The following PRMT8 variants were observed in gnomAD, a reference collection of about 807,000 sequenced individuals.
PRMT8 encodes protein arginine N-methyltransferase 8.
A neutral mutation model predicts 47.1 loss-of-function variants in PRMT8; 7 were observed. That is an observed-to-expected ratio of 0.15 (90% CI 0.08 to 0.28). The LOEUF (loss-of-function observed/expected upper bound fraction) is 0.28. PRMT8 is among the 10% of genes least tolerant of loss of function. PRMT8 has a pLI of 1.00. For missense variants in PRMT8, 237 were observed against 505.4 expected (o/e 0.47, Z 5.09); for synonymous variants, 188 against 186.5 (o/e 1.01, Z -0.07).
chr12:3,539,676 C>G (rs969119930), intron 1 of PRMT8, among the ~76,000 whole-genome samples: 3 of 152,150 alleles, frequency 2.0e-5, no homozygotes, highest in Admixed American at 1.3e-4. Flanking sequence ...CTGTGGACCC[C>G]CATCTCCTTC....
chr12:3,400,259 C>T (rs894657446), intron 1 of PRMT8, among the ~76,000 whole-genome samples: 2 of 151,958 alleles, frequency 1.3e-5, no homozygotes, highest in African/African-American at 4.8e-5. Flanking sequence ...ATAGGTAGAC[C>T]ACTAGTTAGA....
intron 1 of PRMT8, among the ~76,000 whole-genome samples, chr12:3,434,062 G>C (rs1864711425): frequency 6.6e-6 from 1 of 152,188 alleles, no homozygotes; most frequent in African/African-American, 2.4e-5. Flanking sequence ...AGCAGGAAGG[G>C]AGAATGAAAA....
intron 1 of PRMT8, among the ~76,000 whole-genome samples, chr12:3,477,969 A>T (rs1204159754): frequency 6.6e-6 from 1 of 152,150 alleles, no homozygotes; most frequent in African/African-American, 2.4e-5. Flanking sequence ...CAGTAGCTGG[A>T]TGTAACTGCT....
At chr12:3,404,572 T>C (rs193269503) in intron 1 of PRMT8, among the ~76,000 whole-genome samples, 1 of 152,354 alleles carries the variant, frequency 6.6e-6, no homozygotes, top group East Asian at 1.9e-4. Flanking sequence ...AAGTAGCCAC[T>C]GTCATGATTT....
In PRMT8 at chr12:3,566,914, CA is replaced by C. The variant is rs1286693245; in HGVS notation, c.482-1791del. Among the ~76,000 whole-genome samples the C allele has an allele frequency of 2.0e-5, 3 of 152,218 alleles. No homozygotes were observed. The highest frequency in any genetic ancestry group is 7.2e-5 in the African/African-American group (3 of 41,452). Reference sequence around the variant, plus strand: ...CCAATACATCAGCCTGCCAATTTAACAGTGGTATCTAAACTAGCTTGCTCAG... The same window carrying C: ...CCAATACATCAGCCTGCCAATTTAACGTGGTATCTAAACTAGCTTGCTCAG... On this transcript the variant is annotated intron_variant, in intron 4 of 9. Coordinates refer to ENST00000382622, the MANE Select transcript of PRMT8 (RefSeq NM_019854.5). The surrounding 1 kb of genome is among the most constrained non-coding windows in gnomAD (Gnocchi z 4.7).
In PRMT8 at chr12:3,552,779, G is replaced by T; in HGVS notation, c.418-872G>T. 4.2e-6 allele frequency: 2 copies of T among 473,282 alleles called. No individual in the cohort carries two copies. Among genetic ancestry groups the T allele is most frequent in the Non-Finnish European group, 8.5e-6 (2 of 235,976 alleles). 29.3% of individuals were successfully genotyped at this position (473,282 alleles called of 1,614,324 possible). A position where few individuals can be genotyped will look rare whatever the true frequency, so the allele number is the denominator to read the frequency against. Reference sequence around the variant, plus strand: ...GTGCCCCTTTGCGAGTACTTCTCAAGGGAATGGTCCCTGCCCGAGGCCTGG... The same window carrying T: ...GTGCCCCTTTGCGAGTACTTCTCAATGGAATGGTCCCTGCCCGAGGCCTGG... On this transcript the variant is annotated intron_variant, in intron 3 of 9. Transcript: ENST00000382622. This position sits in a 1 kb window ranked among gnomAD's most constrained non-coding sequence, Gnocchi z 4.5.
chr12:3,438,683 A>T (rs549764772), intron 1 of PRMT8, among the ~76,000 whole-genome samples: 3 of 152,212 alleles, frequency 2.0e-5, no homozygotes, highest in South Asian at 4.1e-4. Flanking sequence ...AGGTTTACTT[A>T]TCTATGCACT....
chr12:3,582,722 G>A, intron 7 of PRMT8, among the ~76,000 whole-genome samples: 1 of 152,154 alleles, frequency 6.6e-6, no homozygotes, highest in Admixed American at 6.5e-5. Flanking sequence ...TGCTCTGACA[G>A]GTGAAGGGAT....
At chr12:3,396,725 C>A (rs1339278185) in intron 1 of PRMT8, among the ~76,000 whole-genome samples, 5 of 151,452 alleles carry the variant, frequency 3.3e-5, no homozygotes, top group African/African-American at 9.7e-5. Flanking sequence ...ATCTTTGTGG[C>A]ATTCTCTGTA....
At chr12:3,579,727 G>T (rs535969597) in intron 7 of PRMT8, among the ~76,000 whole-genome samples, 1 of 152,152 alleles carries the variant, frequency 6.6e-6, no homozygotes, top group Non-Finnish European at 1.5e-5. Context: ...TATTTTCATC[G>T]CTATTAACAT....
intron 1 of PRMT8, among the ~76,000 whole-genome samples, chr12:3,523,843 C>A (rs1161360061): frequency 6.6e-6 from 1 of 152,230 alleles, no homozygotes; most frequent in Admixed American, 6.5e-5. Context: ...CCCTTGTTCT[C>A]CATAGGGAAT....
rs761628174 is a variant in PRMT8, at chr12:3,576,831, G to C, written c.713-40G>C. The C allele has an allele frequency of 1.0e-5, 16 of 1,544,726 alleles. No individual in the cohort carries two copies. Among genetic ancestry groups the C allele is most frequent in the African/African-American group, 2.7e-5 (2 of 73,528 alleles). On this transcript the variant is annotated intron_variant, in intron 6 of 9. Coordinates refer to ENST00000382622, the MANE Select transcript of PRMT8 (RefSeq NM_019854.5). This position sits in a 1 kb window ranked among gnomAD's most constrained non-coding sequence, Gnocchi z 4.0. ...CAGGAGGGTTGGGTGAGCTTCTGGG[G>C]GTCCTGCGCCTGCCTTCACGTCTTG...
At chr12:3,431,645 A>G (rs528304537) in intron 1 of PRMT8, among the ~76,000 whole-genome samples, 6 of 152,346 alleles carry the variant, frequency 3.9e-5, no homozygotes, top group Admixed American at 1.3e-4. Context: ...CGTAGTGTCA[A>G]AGGCTGCAGT....
At chr12:3,391,547 G>T (rs768304067) in intron 1 of PRMT8, among the ~76,000 whole-genome samples, 1 of 152,216 alleles carries the variant, frequency 6.6e-6, no homozygotes, top group Non-Finnish European at 1.5e-5. Context: ...AGTGACCAGA[G>T]CTAGGTTGTG....
At chr12:3,404,722 G>C (rs1002125477) in intron 1 of PRMT8, among the ~76,000 whole-genome samples, 8 of 152,170 alleles carry the variant, frequency 5.3e-5, no homozygotes, top group African/African-American at 2.4e-5. Context: ...TCCATTATCA[G>C]TGATTGAGAG....
chr12:3,506,940 G>A (rs554500369), intron 1 of PRMT8, among the ~76,000 whole-genome samples: 2 of 152,118 alleles, frequency 1.3e-5, no homozygotes, highest in South Asian at 2.1e-4. Flanking sequence ...TAAATTCCCC[G>A]TCTTCTTGGC....
intron 1 of PRMT8, among the ~76,000 whole-genome samples, chr12:3,465,206 TTATA>T (rs1565414443): frequency 6.9e-6 from 1 of 144,254 alleles, no homozygotes; most frequent in Admixed American, 7.0e-5. Context: ...AAATATATTT[TTATA>T]TATATTTTAT....
chr12:3,528,260 T>C (rs1865975455), intron 1 of PRMT8, among the ~76,000 whole-genome samples: 1 of 152,204 alleles, frequency 6.6e-6, no homozygotes, highest in Non-Finnish European at 1.5e-5. Flanking sequence ...TTGTGTCTCC[T>C]CTTCCTTCAG....
intron 1 of PRMT8, among the ~76,000 whole-genome samples, chr12:3,539,641 T>C (rs1414255210): frequency 6.6e-6 from 1 of 152,212 alleles, no homozygotes; most frequent in Non-Finnish European, 1.5e-5. Flanking sequence ...TGGGCTCCAA[T>C]TGCTGTCTCT....
Sources: gnomAD v4.1 joint callset for allele counts (sites outside exome capture counted in the v4.1 genomes callset) on GRCh38, gnomAD v4.1.1 for gene constraint, Gnocchi (gnomAD v3.1) non-coding constraint, MANE v1.5 for transcripts, NCBI Gene and HGNC (gene_info 2026-07-23, HGNC 2026-07-21) for gene names.